Variants in THSD4 observed in about 807,000 individuals in gnomAD.
The protein encoded by THSD4 is thrombospondin type-1 domain-containing protein 4.
In THSD4, 69 loss-of-function variants were observed where a neutral mutation model predicts 119.0. The ratio of observed to expected loss-of-function variants is 0.58; its 90% confidence interval spans 0.48 to 0.71. The LOEUF (loss-of-function observed/expected upper bound fraction) is 0.71. Ranked by LOEUF, THSD4 falls within the 30% of genes least tolerant of loss-of-function variation. THSD4 has a pLI of 0.00. For synonymous variants in THSD4, 524 were observed against 540.4 expected (o/e 0.97, Z 0.42); for missense variants, 1,393 against 1,391.1 (o/e 1.00, Z -0.02).
At position 71,431,713 on chromosome 15, in the gene THSD4, A is replaced by G. The variant is rs2046944857; in HGVS notation, c.1152+19890A>G. ...GTGGCTGCAAGACAGGTCGATATCT[A>G]CACTGTTACTTCCCAGACCCAAGGC... On this transcript the variant is annotated intron_variant, in intron 7 of 17. Coordinates refer to ENST00000261862, the MANE Select transcript of THSD4 (RefSeq NM_024817.3). Among the ~76,000 whole-genome samples the G allele has an allele frequency of 3.3e-5, 5 of 152,174 alleles. No individual in the cohort carries two copies. The South Asian group carries it at 8.3e-4, about 25-fold the overall frequency.
At chr15:71,640,899 C>T (rs2050844155) in intron 7 of THSD4, among the ~76,000 whole-genome samples, 1 of 152,066 alleles carries the variant, frequency 6.6e-6, no homozygotes, top group Admixed American at 6.6e-5. Flanking sequence ...GTGCTAGGCA[C>T]ACGGTCGATG....
intron 4 of THSD4, among the ~76,000 whole-genome samples, chr15:71,236,662 A>G (rs573026176): frequency 4.3e-4 from 66 of 152,336 alleles, no homozygotes; most frequent in African/African-American, 1.4e-3. Flanking sequence ...CAGCTTTTCT[A>G]GGGTCAATTA....
In THSD4 at chr15:71,164,887, C is replaced by T. The variant is rs1764965777; in HGVS notation, c.99+9955C>T. 4.5e-6 allele frequency: 7 copies of T among 1,560,696 alleles called. No individual in the cohort carries two copies. The Admixed American group carries it at 1.3e-4, about 30-fold the overall frequency. ...CCTTCTTTTTCTTGCTTTTTTCAGC[C>T]TTGACAACTCCCTTTTTTGCTGCAT... On this transcript the variant is annotated intron_variant, in intron 3 of 17. Transcript: ENST00000261862.
chr15:71,296,317 C>A (rs1013465290), intron 6 of THSD4, among the ~76,000 whole-genome samples: 7 of 152,130 alleles, frequency 4.6e-5, no homozygotes, highest in Admixed American at 3.3e-4. Flanking sequence ...TAAAAATTGT[C>A]ATTTCTGTGC....
chr15:71,413,472 C>T (rs2046717394), intron 7 of THSD4, among the ~76,000 whole-genome samples: 1 of 152,204 alleles, frequency 6.6e-6, no homozygotes, highest in African/African-American at 2.4e-5. Flanking sequence ...TTTCCAGTCT[C>T]TGGCAACCGG....
At chr15:71,111,302 C>T (rs1229946703), upstream of THSD4, 7 of 1,613,852 alleles carry the variant, frequency 4.3e-6, no homozygotes, top group Admixed American at 5.0e-5. Flanking sequence ...AACCATTTTG[C>T]TCATGTCCTC....
chr15:71,625,674 T>C (rs993650820), intron 7 of THSD4, among the ~76,000 whole-genome samples: 1 of 152,212 alleles, frequency 6.6e-6, no homozygotes, highest in East Asian at 1.9e-4. Context: ...CAAACAAGCA[T>C]TGGTCTCTTT....
chr15:71,497,846 G>C (rs1449781614), intron 7 of THSD4, among the ~76,000 whole-genome samples: 1 of 152,070 alleles, frequency 6.6e-6, no homozygotes, highest in Non-Finnish European at 1.5e-5. Flanking sequence ...AACTGTTATT[G>C]TTTAGAAAAA....
intron 7 of THSD4, among the ~76,000 whole-genome samples, chr15:71,544,267 G>A (rs1595872451): frequency 6.6e-6 from 1 of 152,170 alleles, no homozygotes; most frequent in Non-Finnish European, 1.5e-5. Context: ...ACCTACCGCT[G>A]TGTGACATGG....
chr15:71,383,305 A>G (rs965381057), intron 6 of THSD4, among the ~76,000 whole-genome samples: 11 of 152,294 alleles, frequency 7.2e-5, no homozygotes, highest in African/African-American at 2.2e-4. Context: ...ATAAGCATCT[A>G]ATGATTTTTT....
At chr15:71,724,297 T>TTTTTTC (rs1491121953) in intron 8 of THSD4, among the ~76,000 whole-genome samples, 10 of 41,624 alleles carry the variant, frequency 2.4e-4, no homozygotes, top group Admixed American at 4.2e-4. Context: ...ATTTTTTTTT[T>TTTTTTC]CCCCCCAAGA....
chr15:71,381,942 C>T (rs146586908), intron 6 of THSD4, among the ~76,000 whole-genome samples: 5 of 152,058 alleles, frequency 3.3e-5, no homozygotes, highest in African/African-American at 9.6e-5. Flanking sequence ...ACATCCTTTG[C>T]GATTTTCCAG....
intron 1 of THSD4, among the ~76,000 whole-genome samples, chr15:71,134,872 T>C (rs1468338408): frequency 4.0e-5 from 6 of 151,880 alleles, no homozygotes; most frequent in African/African-American, 9.7e-5. Context: ...ACTGGGTATA[T>C]ACCCAAATGA....
At chr15:71,158,511 T>C (rs1224737668) in intron 3 of THSD4, among the ~76,000 whole-genome samples, 1 of 152,180 alleles carries the variant, frequency 6.6e-6, no homozygotes, top group Non-Finnish European at 1.5e-5. Context: ...GGAGGTGGTA[T>C]CTCACTGTGG....
chr15:71,629,535 C>T (rs957977140), intron 7 of THSD4, among the ~76,000 whole-genome samples: 4 of 152,290 alleles, frequency 2.6e-5, no homozygotes, highest in African/African-American at 9.6e-5. Context: ...GCTAAAGCGT[C>T]CTCCTCAGTC....
intron 7 of THSD4, among the ~76,000 whole-genome samples, chr15:71,465,984 G>C (rs1302861219): frequency 1.3e-5 from 2 of 152,122 alleles, no homozygotes; most frequent in African/African-American, 4.8e-5. Context: ...TTTTCCTTGA[G>C]AATTCTAAGG....
Position 71,743,695 on chromosome 15 carries a change from A to G in THSD4, c.1907-1411A>G, listed in dbSNP as rs182272754. ...AGCCACACTGTAAATTTTTACTACC[A>G]GGGTAATTTAAACAAATGATCGTTT... On this transcript the variant is annotated intron_variant, in intron 11 of 17. Transcript: ENST00000261862. 3.3e-5 allele frequency among the ~76,000 whole-genome samples: 5 copies of G among 152,336 alleles called. No individual in the cohort carries two copies. The East Asian group carries it at 9.6e-4, about 29-fold the overall frequency.
At chr15:71,381,052 C>G (rs1482333967) in intron 6 of THSD4, among the ~76,000 whole-genome samples, 1 of 152,066 alleles carries the variant, frequency 6.6e-6, no homozygotes, top group Admixed American at 6.6e-5. Context: ...GCTTGACAAG[C>G]CAAACATTGG....
chr15:71,169,068 T>C (rs1047404724), intron 3 of THSD4, among the ~76,000 whole-genome samples: 5 of 152,214 alleles, frequency 3.3e-5, no homozygotes, highest in African/African-American at 9.6e-5. Flanking sequence ...AAAAGATTTT[T>C]ATTCAGAATA....
Sources: allele counts gnomAD v4.1 joint callset (sites outside exome capture counted in the v4.1 genomes callset), GRCh38; gene constraint gnomAD v4.1.1; transcripts MANE v1.5; gene names NCBI Gene and HGNC (gene_info 2026-07-23, HGNC 2026-07-21).